Variants in NEK7 observed in about 807,000 individuals in gnomAD.
NEK7 encodes the protein NIMA related kinase 7, also known as serine/threonine-protein kinase Nek7.
A neutral mutation model predicts 44.6 loss-of-function variants in NEK7; 18 were observed. The observed-to-expected ratio is 0.40, with a 90% CI of 0.28 to 0.60. The LOEUF is 0.60. Ranked by LOEUF, NEK7 falls within the 20% of genes least tolerant of loss-of-function variation. The pLI, the probability that NEK7 is intolerant of heterozygous loss-of-function variation, is 0.38. For synonymous variants in NEK7, 130 were observed against 121.1 expected (o/e 1.07, Z -0.48); for missense variants, 256 against 366.5 (o/e 0.70, Z 2.46).
At chr1:198,226,360 C>A (rs1008279749) in intron 1 of NEK7, among the ~76,000 whole-genome samples, 1 of 151,976 alleles carries the variant, frequency 6.6e-6, no homozygotes, top group Non-Finnish European at 1.5e-5. Context: ...GCCTGACCAA[C>A]ATGGTAAAAC....
At chr1:198,250,650 T>C (rs1419266951) in intron 2 of NEK7, among the ~76,000 whole-genome samples, 2 of 142,394 alleles carry the variant, frequency 1.4e-5, no homozygotes, top group African/African-American at 5.3e-5. Context: ...CAATTGTGAA[T>C]GGGAGTTCAC....
At chr1:198,312,944 G>A (rs1487635100) in intron 9 of NEK7, among the ~76,000 whole-genome samples, 2 of 152,196 alleles carry the variant, frequency 1.3e-5, no homozygotes, top group African/African-American at 4.8e-5. Context: ...TTCTGTAGAT[G>A]TCTATTAGGT....
intron 9 of NEK7, among the ~76,000 whole-genome samples, chr1:198,314,419 T>G (rs1226465309): frequency 1.3e-5 from 2 of 152,244 alleles, no homozygotes; most frequent in African/African-American, 2.4e-5. Context: ...GTCTGAAGTC[T>G]TCTTCTCTCA....
chr1:198,176,354 G>T (rs557936990), intron 1 of NEK7, among the ~76,000 whole-genome samples: 1 of 152,146 alleles, frequency 6.6e-6, no homozygotes, highest in African/African-American at 2.4e-5. Flanking sequence ...GGTTGACCAG[G>T]CTGACTAGCT....
chr1:198,291,887 T>C (rs936302925), intron 7 of NEK7, among the ~76,000 whole-genome samples: 8 of 152,150 alleles, frequency 5.3e-5, no homozygotes, highest in Non-Finnish European at 8.8e-5. Context: ...GTGAATCTTT[T>C]TGTTGCTTCT....
rs570293206 is a variant in NEK7, at chr1:198,297,011, A to G, written c.685-116A>G. 1.3e-5 allele frequency: 8 copies of G among 628,306 alleles called. No homozygotes were observed. The East Asian group carries it at 2.1e-4, about 16-fold the overall frequency. 38.9% of individuals were successfully genotyped at this position (628,306 alleles called of 1,614,324 possible). ...GATATTCATAAAAATCAAAATGCCC[A>G]GGTATCTCTATTTAAAATATTTGTG... is the stretch of plus-strand genomic sequence containing the variant. On this transcript the variant is annotated intron_variant, in intron 8 of 9. Coordinates refer to ENST00000367385, the MANE Select transcript of NEK7 (RefSeq NM_133494.3).
At chr1:198,246,348 C>T (rs1360132315) in intron 2 of NEK7, among the ~76,000 whole-genome samples, 1 of 152,218 alleles carries the variant, frequency 6.6e-6, no homozygotes, top group Admixed American at 6.5e-5. Context: ...CAAGCTGTCA[C>T]TCACCCACAC....
intron 5 of NEK7, 147 bp downstream of exon 5, chr1:198,264,382 G>T (rs1240020006): frequency 4.6e-6 from 2 of 436,290 alleles, no homozygotes; most frequent in Non-Finnish European, 7.4e-6. Flanking sequence ...ATAGTAGATG[G>T]TTAGTGATCA....
In NEK7 at chr1:198,310,522, G is replaced by C. The variant is rs200270379; in HGVS notation, c.799-8890G>C. On this transcript the variant is annotated intron_variant, in intron 9 of 9. Coordinates refer to ENST00000367385, the MANE Select transcript of NEK7 (RefSeq NM_133494.3). ...TTTAGACATGAAGTCCTTGCCCATG[G>C]TATGTCCTGAATGGTAACGCCTAGG... is the stretch of plus-strand genomic sequence containing the variant. 5.7e-3 allele frequency among the ~76,000 whole-genome samples: 622 copies of C among 109,436 alleles called. 3 individuals carry two copies. Among genetic ancestry groups the C allele is most frequent in the East Asian group, 0.019 (31 of 1,662 alleles). The allele number at this position is 109,436 out of a possible 152,430, so 71.8% of individuals were successfully genotyped here. A position where few individuals can be genotyped will look rare whatever the true frequency, so the allele number is the denominator to read the frequency against.
At chr1:198,240,283 CAT>C (rs1276936713) in intron 2 of NEK7, among the ~76,000 whole-genome samples, 1 of 152,084 alleles carries the variant, frequency 6.6e-6, no homozygotes, top group Non-Finnish European at 1.5e-5. Flanking sequence ...GAGAGTACCT[CAT>C]ATTTTAAGGG....
In NEK7 at chr1:198,165,378, G is replaced by A. The variant is rs190289434; in HGVS notation, c.-29+8102G>A. On this transcript the variant is annotated intron_variant, in intron 1 of 9. Coordinates refer to ENST00000367385, the MANE Select transcript of NEK7 (RefSeq NM_133494.3). The stretch of plus-strand genomic sequence containing the variant: ...GCTATAGATTTAAGAAATGTATTTC[G>A]TATTCTTAGATAAGAAGACTTGAAA... 2.5e-3 allele frequency among the ~76,000 whole-genome samples: 386 copies of A among 152,250 alleles called. 1 individual carries two copies. Among genetic ancestry groups the A allele is most frequent in the Non-Finnish European group, 3.8e-3 (260 of 68,000 alleles).
chr1:198,314,041 T>TC (rs1219522690), intron 9 of NEK7, among the ~76,000 whole-genome samples: 1 of 151,970 alleles, frequency 6.6e-6, no homozygotes, highest in Non-Finnish European at 1.5e-5. Context: ...CCAACTTGGT[T>TC]CCATTCTCCC....
At chr1:198,249,302 TG>T (rs1652821247) in intron 2 of NEK7, among the ~76,000 whole-genome samples, 2 of 152,142 alleles carry the variant, frequency 1.3e-5, no homozygotes, top group South Asian at 4.1e-4. Flanking sequence ...GTTGGACATT[TG>T]GGTTGGTTCC....
chr1:198,239,913 T>G (rs960886942), intron 2 of NEK7, among the ~76,000 whole-genome samples: 1 of 152,200 alleles, frequency 6.6e-6, no homozygotes, highest in African/African-American at 2.4e-5. Context: ...CTGTTGCTCC[T>G]AGTCTACAAA....
intron 1 of NEK7, among the ~76,000 whole-genome samples, chr1:198,213,751 G>A (rs1169537035): frequency 6.6e-6 from 1 of 152,134 alleles, no homozygotes; most frequent in Non-Finnish European, 1.5e-5. Flanking sequence ...AAAGATGTCA[G>A]TGGATTTCAC....
chr1:198,299,430 A>G (rs1311692025), intron 9 of NEK7, among the ~76,000 whole-genome samples: 1 of 152,202 alleles, frequency 6.6e-6, no homozygotes, highest in Admixed American at 6.5e-5. Context: ...TAAATTTTTT[A>G]AGTAAAGTAG....
intron 7 of NEK7, among the ~76,000 whole-genome samples, chr1:198,292,600 CA>C (rs1654593790): frequency 6.6e-6 from 1 of 151,698 alleles, no homozygotes; most frequent in Non-Finnish European, 1.5e-5. Flanking sequence ...ATATTCAAGC[CA>C]TATTTTTTTA....
chr1:198,279,295 C>T (rs1005624743), intron 7 of NEK7, among the ~76,000 whole-genome samples: 4 of 151,678 alleles, frequency 2.6e-5, no homozygotes, highest in Admixed American at 2.0e-4. Context: ...AAAAAAAATG[C>T]TGATAAGTCT....
At chr1:198,250,475 T>A (rs1282369837) in intron 2 of NEK7, among the ~76,000 whole-genome samples, 6 of 151,784 alleles carry the variant, frequency 4.0e-5, no homozygotes. Context: ...TTGGGCAGTA[T>A]GGCCATTTTC....
Sources: gnomAD v4.1 joint callset for allele counts (sites outside exome capture counted in the v4.1 genomes callset) on GRCh38, gnomAD v4.1.1 for gene constraint, MANE v1.5 for transcripts, NCBI Gene and HGNC (gene_info 2026-07-23, HGNC 2026-07-21) for gene names.